The following FLACC1 variants were observed in gnomAD, a reference collection of about 807,000 sequenced individuals.
The protein encoded by FLACC1 is flagellum-associated coiled-coil domain-containing protein 1.
Under a neutral mutation model 62.8 loss-of-function variants are expected in FLACC1, and 66 were observed. The observed-to-expected ratio is 1.05, with a 90% CI of 0.86 to 1.29. The LOEUF (loss-of-function observed/expected upper bound fraction) is 1.29, where lower values mean the gene tolerates loss of function less well. FLACC1 is among the 50% of genes most tolerant of loss of function. The probability of loss-of-function intolerance (pLI) is 0.00; values close to 1 mark genes in which losing one functional copy is unlikely to be tolerated. For synonymous variants in FLACC1, 156 were observed against 161.0 expected, an observed-to-expected ratio of 0.97 and a Z score of 0.24; for missense variants, 452 against 489.1, an observed-to-expected ratio of 0.92 and a Z score of 0.71.
intron 9 of FLACC1, among the ~76,000 whole-genome samples, chr2:201,312,940 C>T (rs1378695865): frequency 2.0e-5 from 3 of 152,330 alleles, no homozygotes; most frequent in South Asian, 4.1e-4. Context: ...AAACACACAA[C>T]CTCACTGGGG....
At position 201,330,475 on chromosome 2, in the gene FLACC1, A is replaced by G; in HGVS notation, c.670T>C (p.Tyr224His). 1 of 1,613,566 alleles carries G rather than the reference A, an allele frequency of 6.2e-7. No individual in the cohort carries two copies. Among genetic ancestry groups the G allele is most frequent in the Non-Finnish European group, 8.5e-7 (1 of 1,179,698 alleles). Residue 224 changes from tyrosine to histidine, a missense_variant, in exon 9 of 15, where the codon TAT (tyrosine) becomes CAT (histidine). Tyr to His is a moderately conservative substitution (Grantham distance 83). Coordinates refer to ENST00000392257, the MANE Select transcript of FLACC1 (RefSeq NM_001127391.3). Reference protein sequence around the residue: ...YKYLKNMFRTYQDSIYDEMEE... With the variant: ...YKYLKNMFRTHQDSIYDEMEE... The stretch of plus-strand genomic sequence containing the variant: ...CAGGGAGCTGTGTATCTCACCTGAT[A>G]CGTACGAAACATATTCTTCAAATAC...
At chr2:201,340,137 G>T (rs1399023016) in intron 7 of FLACC1, among the ~76,000 whole-genome samples, 1 of 152,196 alleles carries the variant, frequency 6.6e-6, no homozygotes, top group African/African-American at 2.4e-5. Context: ...CAGGTGACAT[G>T]AGTCTCTTGT....
At position 201,333,065 on chromosome 2, in the gene FLACC1, A is replaced by G. The variant is rs78854962; in HGVS notation, c.525-2232T>C. 9.9e-3 allele frequency among the ~76,000 whole-genome samples: 1,509 copies of G among 152,272 alleles called. 33 individuals are homozygous for G. The highest frequency in any genetic ancestry group is 0.035 in the African/African-American group (1,439 of 41,536). On this transcript the variant is annotated intron_variant, in intron 7 of 14. Coordinates refer to ENST00000392257, the MANE Select transcript of FLACC1 (RefSeq NM_001127391.3). Reference sequence around the variant, plus strand: ...AAACTGATTTCAAATATTTTGGGTAAGCACTCGGAAGTGGGATTGCTGGAT... The same window carrying G: ...AAACTGATTTCAAATATTTTGGGTAGGCACTCGGAAGTGGGATTGCTGGAT...
chr2:201,296,605 A>T (rs527250048), intron 12 of FLACC1, among the ~76,000 whole-genome samples: 96 of 152,246 alleles, frequency 6.3e-4, no homozygotes, highest in African/African-American at 2.3e-3. Context: ...TGGCACATGT[A>T]TACATATGTA....
intron 9 of FLACC1, among the ~76,000 whole-genome samples, chr2:201,320,751 C>T (rs1427153961): frequency 6.6e-6 from 1 of 152,200 alleles, no homozygotes; most frequent in African/African-American, 2.4e-5. Flanking sequence ...CCGTCACCTG[C>T]CCTGGTAGTT....
chr2:201,295,158 A>T (rs1298690526), intron 12 of FLACC1, among the ~76,000 whole-genome samples: 1 of 152,208 alleles, frequency 6.6e-6, no homozygotes, highest in East Asian at 1.9e-4. Flanking sequence ...ATTGGAAAAA[A>T]CTACTTTAAA....
Position 201,344,152 on chromosome 2 carries a change from T to C in FLACC1, c.462+18A>G. 4 of 1,573,162 alleles carry C rather than the reference T, an allele frequency of 2.5e-6. No individual in the cohort carries two copies. Among genetic ancestry groups the C allele is most frequent in the Non-Finnish European group, 2.6e-6 (3 of 1,147,070 alleles). The stretch of plus-strand genomic sequence containing the variant: ...TTATTTTGTCCATGAAGATGTTAGC[T>C]AATGTAAGGTCACTCACCAATTTCT... On this transcript the variant is annotated intron_variant, in intron 6 of 14. Coordinates refer to ENST00000392257, the MANE Select transcript of FLACC1 (RefSeq NM_001127391.3).
intron 9 of FLACC1, 80 bp from the exon 10 acceptor site, chr2:201,309,330 G>C: frequency 6.7e-6 from 7 of 1,041,438 alleles, no homozygotes; most frequent in Non-Finnish European, 1.0e-5. Flanking sequence ...CTCAACTCAG[G>C]GAGGACTCCT....
At chr2:201,363,232 C>T in the FLACC1 span, among the ~76,000 whole-genome samples, 3 of 151,710 alleles carry the variant, frequency 2.0e-5, no homozygotes, top group African/African-American at 7.3e-5. Context: ...TCTGGAGCAC[C>T]CCCTTCCTTG....
chr2:201,291,193 C>T (rs376764260), intron 12 of FLACC1, among the ~76,000 whole-genome samples: 78 of 152,288 alleles, frequency 5.1e-4, no homozygotes, highest in African/African-American at 1.7e-3. Flanking sequence ...TCTCCCAGCA[C>T]GCAGCTTGAG....
intron 9 of FLACC1, among the ~76,000 whole-genome samples, chr2:201,329,486 C>T (rs1290890578): frequency 9.2e-5 from 14 of 152,168 alleles, no homozygotes; most frequent in Non-Finnish European, 7.4e-5. Flanking sequence ...AAAAAGACAC[C>T]TTCTCTTGTA....
At chr2:201,305,810 C>A (rs1950090464) in intron 11 of FLACC1, among the ~76,000 whole-genome samples, 1 of 152,058 alleles carries the variant, frequency 6.6e-6, no homozygotes, top group Non-Finnish European at 1.5e-5. Context: ...TGGAAACCAA[C>A]ATTCTGAGCA....
chr2:201,300,315 T>A (rs143691502), intron 11 of FLACC1, among the ~76,000 whole-genome samples: 10 of 152,252 alleles, frequency 6.6e-5, no homozygotes, highest in Middle Eastern at 3.4e-3. Context: ...CCCACGGAGC[T>A]TTGCTCACTG....
At chr2:201,337,048 A>T (rs1026605038) in intron 7 of FLACC1, among the ~76,000 whole-genome samples, 1 of 152,136 alleles carries the variant, frequency 6.6e-6, no homozygotes, top group Non-Finnish European at 1.5e-5. Flanking sequence ...TCCTCTGTCA[A>T]ATGAGTAGTT....
intron 11 of FLACC1, among the ~76,000 whole-genome samples, chr2:201,303,257 G>A (rs746584305): frequency 7.2e-5 from 11 of 151,992 alleles, no homozygotes; most frequent in African/African-American, 2.4e-4. Flanking sequence ...TATCACCACC[G>A]ATCCCACAGA....
intron 12 of FLACC1, among the ~76,000 whole-genome samples, chr2:201,293,017 T>A (rs1297148906): frequency 6.6e-6 from 1 of 152,186 alleles, no homozygotes; most frequent in Non-Finnish European, 1.5e-5. Flanking sequence ...GCCAGATTCA[T>A]AAAGTAAGTC....
chr2:201,289,663 C>T, intron 13 of FLACC1, 33 bp downstream of exon 13: 1 of 1,611,892 alleles, frequency 6.2e-7, no homozygotes, highest in Non-Finnish European at 8.5e-7. Context: ...GGTTCTTCCC[C>T]CAACCCCCAT....
chr2:201,318,414 C>A (rs556138028), intron 9 of FLACC1, among the ~76,000 whole-genome samples: 1 of 152,038 alleles, frequency 6.6e-6, no homozygotes, highest in South Asian at 2.1e-4. Flanking sequence ...AAACAAATAA[C>A]CCATCAAAAA....
chr2:201,338,006 C>A (rs1161973967), intron 7 of FLACC1, among the ~76,000 whole-genome samples: 1 of 152,142 alleles, frequency 6.6e-6, no homozygotes, highest in African/African-American at 2.4e-5. Flanking sequence ...TTTTGGCGAT[C>A]TTAATTCTTC....
Sources: gnomAD v4.1 joint callset for allele counts (sites outside exome capture counted in the v4.1 genomes callset) on GRCh38, gnomAD v4.1.1 for gene constraint, MANE v1.5 for transcripts, NCBI Gene and HGNC (gene_info 2026-07-23, HGNC 2026-07-21) for gene names.